Variants in ALK observed in about 807,000 individuals in gnomAD.
ALK encodes the protein ALK receptor tyrosine kinase.
A neutral mutation model predicts 163.1 loss-of-function variants in ALK; 74 were observed. The observed-to-expected ratio is 0.45, with a 90% CI of 0.38 to 0.55. The LOEUF (loss-of-function observed/expected upper bound fraction) is 0.55. Among genes scored for constraint, ALK ranks in the 20% least tolerant of loss-of-function variants. ALK has a pLI of 0.00. For missense variants in ALK, 2,063 were observed against 2,105.3 expected (o/e 0.98, Z 0.39); for synonymous variants, 960 against 843.2 (o/e 1.14, Z -2.40).
intron 3 of ALK, among the ~76,000 whole-genome samples, chr2:29,541,122 G>C (rs1236887823): frequency 6.6e-6 from 1 of 152,212 alleles, no homozygotes; most frequent in East Asian, 1.9e-4. Context: ...TCCTGGAATG[G>C]GACACAACTG....
intron 1 of ALK, among the ~76,000 whole-genome samples, chr2:29,806,211 T>C (rs927394554): frequency 3.9e-5 from 6 of 152,052 alleles, no homozygotes; most frequent in Admixed American, 6.6e-5. Flanking sequence ...TCAGAGAGAG[T>C]TGAATGCAAA....
chr2:29,705,697 T>A (rs959110144), intron 2 of ALK, among the ~76,000 whole-genome samples: 6 of 152,146 alleles, frequency 3.9e-5, no homozygotes, highest in Non-Finnish European at 8.8e-5. Context: ...TGTGCCTCAA[T>A]TTTTTCAACT....
intron 11 of ALK, among the ~76,000 whole-genome samples, chr2:29,261,595 C>T (rs1186376803): frequency 6.6e-6 from 1 of 152,126 alleles, no homozygotes; most frequent in Non-Finnish European, 1.5e-5. Flanking sequence ...CTCCAATGAC[C>T]ATGGTCTAGA....
At chr2:29,818,087 C>T (rs928739717) in intron 1 of ALK, among the ~76,000 whole-genome samples, 1 of 152,142 alleles carries the variant, frequency 6.6e-6, no homozygotes, top group Non-Finnish European at 1.5e-5. Flanking sequence ...CTCCACTGTG[C>T]GAGAGGCAGG....
intron 1 of ALK, among the ~76,000 whole-genome samples, chr2:29,878,947 A>G (rs896183866): frequency 1.3e-5 from 2 of 152,202 alleles, no homozygotes; most frequent in Non-Finnish European, 2.9e-5. Context: ...AGAGAAACAT[A>G]GTAGTCTAGT....
chr2:29,239,950 C>A (rs1664480910), intron 12 of ALK, 120 bp from the exon 13 acceptor site: 3 of 1,178,970 alleles, frequency 2.5e-6, no homozygotes, highest in Non-Finnish European at 3.5e-6. Flanking sequence ...GGTTCTCCCC[C>A]ATATCAGTCC....
At chr2:29,554,602 T>C (rs1042607538) in intron 3 of ALK, among the ~76,000 whole-genome samples, 12 of 152,190 alleles carry the variant, frequency 7.9e-5, no homozygotes, top group African/African-American at 2.9e-4. Context: ...CTGGCAATGT[T>C]GGGCCTATTG....
chr2:29,484,026 A>T (rs552726345), intron 4 of ALK, among the ~76,000 whole-genome samples: 2 of 152,284 alleles, frequency 1.3e-5, no homozygotes, highest in Middle Eastern at 3.4e-3. Context: ...TGCAGGGGGA[A>T]CTGCACTTTA....
At chr2:29,413,911 C>A (rs1037012501) in intron 4 of ALK, among the ~76,000 whole-genome samples, 1 of 152,188 alleles carries the variant, frequency 6.6e-6, no homozygotes, top group Non-Finnish European at 1.5e-5. Context: ...GTGACCCACC[C>A]ACCTCGACCT....
chr2:29,289,833 G>A (rs561048591), intron 9 of ALK, among the ~76,000 whole-genome samples: 2 of 152,252 alleles, frequency 1.3e-5, no homozygotes, highest in South Asian at 4.2e-4. Flanking sequence ...AGCAGAGGGA[G>A]GACTCACCAC....
intron 1 of ALK, among the ~76,000 whole-genome samples, chr2:29,807,410 G>A (rs1178550120): frequency 1.3e-5 from 2 of 152,230 alleles, no homozygotes; most frequent in African/African-American, 4.8e-5. Flanking sequence ...CCCTCAGGAA[G>A]AGGGTGAGGA....
At chr2:29,239,061 A>G (rs1044458427) in intron 13 of ALK, among the ~76,000 whole-genome samples, 3 of 152,256 alleles carry the variant, frequency 2.0e-5, no homozygotes, top group Non-Finnish European at 2.9e-5. Flanking sequence ...TCCCAATTAT[A>G]GTTGCTAAAT....
chr2:29,718,022 T>C (rs1679312545), intron 1 of ALK, among the ~76,000 whole-genome samples: 1 of 152,172 alleles, frequency 6.6e-6, no homozygotes. Flanking sequence ...CTATAATAAT[T>C]TGTGCAGCTT....
intron 9 of ALK, among the ~76,000 whole-genome samples, chr2:29,283,362 A>G (rs1665762322): frequency 6.6e-6 from 1 of 151,724 alleles, no homozygotes; most frequent in Non-Finnish European, 1.5e-5. Context: ...GGAGCTAGAA[A>G]GGCCCGCCAT....
At chr2:29,831,130 A>G (rs1425577648) in intron 1 of ALK, among the ~76,000 whole-genome samples, 18 of 54,816 alleles carry the variant, frequency 3.3e-4, no homozygotes, top group Non-Finnish European at 5.5e-4. Context: ...AAGAAGGGGA[A>G]GAAGGGGAAG....
At chr2:29,669,687 C>CT (rs1677623840) in intron 3 of ALK, among the ~76,000 whole-genome samples, 1 of 151,866 alleles carries the variant, frequency 6.6e-6, no homozygotes, top group African/African-American at 2.4e-5. Context: ...TACCATTTCC[C>CT]TTTGTGGTTA....
In ALK at chr2:29,216,860, A is replaced by G. The variant is rs369986870; in HGVS notation, c.3646-2779T>C. ...GTGCAGTATATATGGTGTGTGTTGT[A>G]TGTGTGTGGTGTGTGCGTGGCATGT... is the stretch of plus-strand genomic sequence containing the variant. On this transcript the variant is annotated intron_variant, in intron 23 of 28. Transcript: ENST00000389048. Among the ~76,000 whole-genome samples, 5 of 142,030 alleles carry G rather than the reference A, an allele frequency of 3.5e-5. 1 individual carries two copies. In the East Asian group the frequency reaches 6.5e-4, roughly 18 times the overall value. The allele number at this position is 142,030 out of a possible 152,430, so 93.2% of individuals were successfully genotyped here.
intron 2 of ALK, among the ~76,000 whole-genome samples, chr2:29,705,069 T>C (rs1028201105): frequency 2.7e-5 from 4 of 150,494 alleles, no homozygotes; most frequent in African/African-American, 9.7e-5. Flanking sequence ...AATACAAAAA[T>C]TAGCCAAGCG....
At chr2:29,215,912 T>G (rs1238799382) in intron 23 of ALK, among the ~76,000 whole-genome samples, 4 of 152,146 alleles carry the variant, frequency 2.6e-5, no homozygotes, top group Non-Finnish European at 5.9e-5. Context: ...CTCCCTGGGT[T>G]GTCAGGAGCA....
Sources: allele counts gnomAD v4.1 joint callset (sites outside exome capture counted in the v4.1 genomes callset), GRCh38; gene constraint gnomAD v4.1.1; transcripts MANE v1.5; gene names NCBI Gene and HGNC (gene_info 2026-07-23, HGNC 2026-07-21).